The following ASPHD1 variants were observed in gnomAD, a reference collection of about 807,000 sequenced individuals.
ASPHD1 encodes the protein aspartate beta-hydroxylase domain containing 1.
In ASPHD1, 20 loss-of-function variants were observed where a neutral mutation model predicts 28.3. The observed-to-expected ratio is 0.71, with a 90% confidence interval of 0.50 to 1.03. The LOEUF (loss-of-function observed/expected upper bound fraction) is 1.03. Ranked by LOEUF, ASPHD1 falls within the 50% of genes least tolerant of loss-of-function variation. ASPHD1 has a pLI of 0.00. For synonymous variants in ASPHD1, 240 were observed against 221.2 expected (o/e 1.08, Z -0.75); for missense variants, 479 against 524.1 (o/e 0.91, Z 0.84).
Position 29,904,882 on chromosome 16 carries a change from T to C in ASPHD1, c.980T>C (p.Val327Ala). ...GLKIPPGCELVVGGEPQCWAE... is the reference protein window; with the variant it reads ...GLKIPPGCELAVGGEPQCWAE... ...AAGATCCCTCCTGGCTGTGAGCTGG[T>C]GGTCGGCGGTGAGCCCCAGTGCTGG... The change falls in exon 2 of 3, where the codon GTG becomes GCG. Residue 327 changes from valine to alanine, a missense_variant. Physicochemically the swap from Val to Ala is moderately conservative, Grantham distance 64. Coordinates refer to ENST00000308748, the MANE Select transcript of ASPHD1 (RefSeq NM_181718.4). The C allele has an allele frequency of 6.2e-7, 1 of 1,612,978 alleles. No individual in the cohort carries two copies. Among genetic ancestry groups the C allele is most frequent in the Non-Finnish European group, 8.5e-7 (1 of 1,179,680 alleles).
chr16:29,913,830 A>C (rs994765841), intron 3 of ASPHD1: 1 of 152,116 alleles, frequency 6.6e-6, no homozygotes, highest in African/African-American at 2.4e-5. Context: ...TGGAAGCCTC[A>C]TTGTCTTTTT....
chr16:29,905,085 G>T, intron 2 of ASPHD1, 120 bp downstream of exon 2: 1 of 692,116 alleles, frequency 1.4e-6, no homozygotes, highest in Non-Finnish European at 2.5e-6. Context: ...TCTTCCAGCT[G>T]CATGACCTTG....
At chr16:29,914,302 C>T (rs1297583127) in intron 3 of ASPHD1, 1 of 152,150 alleles carries the variant, frequency 6.6e-6, no homozygotes, top group African/African-American at 2.4e-5. Flanking sequence ...AATATACTCA[C>T]CACCTTCCAG....
intron 3 of ASPHD1, chr16:29,911,254 TC>T: frequency 9.4e-7 from 1 of 1,069,180 alleles, no homozygotes; most frequent in Non-Finnish European, 1.4e-6. Context: ...CTGGATGCAT[TC>T]CCAGTCCTCT....
chr16:29,901,730 G>A lies in ASPHD1; in HGVS notation c.759G>A (p.Leu253=). 6.4e-7 allele frequency: 1 copy of A among 1,561,602 alleles called. No homozygotes were observed. The highest frequency in any genetic ancestry group is 1.2e-5 in the South Asian group (1 of 83,274). ...PPLAPGCYQL[L]LYQAGRCQPS... is the part of the protein sequence containing the mutation. ...TGGCCCCCGGGTGCTACCAGCTCCT[G>A]CTGTACCAAGCAGGCCGGTGCCAAC... Residue 253 remains leucine (L), a synonymous_variant, in exon 1 of 3, where the codon CTG becomes CTA. Transcript: ENST00000308748. The surrounding 1 kb of genome is among the most constrained non-coding windows in gnomAD (Gnocchi z 5.1).
intron 3 of ASPHD1, among the ~76,000 whole-genome samples, chr16:29,912,531 C>T (rs1490780588): frequency 6.6e-6 from 1 of 152,252 alleles, no homozygotes; most frequent in Non-Finnish European, 1.5e-5. Context: ...ACCTCCACCT[C>T]CCGGGTTAAA....
rs1323161728 is a variant in ASPHD1 at position 29,912,317 on chromosome 16, T to C, written c.*62+6358T>C. Reference sequence around the variant, plus strand: ...TGCCCGGGATGCTTCTTTGCTCAGCTGTCAGCGTGGCGTGTCCGTCATGCC... The same window carrying C: ...TGCCCGGGATGCTTCTTTGCTCAGCCGTCAGCGTGGCGTGTCCGTCATGCC... On this transcript the variant is annotated intron_variant and NMD_transcript_variant, in intron 3 of 3. Coordinates refer to the ASPHD1 transcript ENST00000414952. The C allele has an allele frequency of 4.8e-5, 26 of 541,304 alleles. No homozygotes were observed. The East Asian group carries it at 8.7e-4, about 18-fold the overall frequency. The allele number at this position is 541,304 out of a possible 1,614,324, so 33.5% of individuals were successfully genotyped here.
At chr16:29,906,927 C>T (rs753123512), downstream of ASPHD1, 3 of 1,613,958 alleles carry the variant, frequency 1.9e-6, no homozygotes, top group South Asian at 1.1e-5. Flanking sequence ...GGTGATATGG[C>T]GCCGGACATG....
chr16:29,911,995 G>C lies in ASPHD1; in HGVS notation c.*62+6036G>C, dbSNP rs146795285. ...CTGGCCAGGAGCTGCTGCTCCTCCC[G>C]GGGAGATGTCACCATGGGGATGAGG... On this transcript the variant is annotated intron_variant and NMD_transcript_variant, in intron 3 of 3. Transcript: ENST00000414952. The C allele has an allele frequency of 1.7e-5, 27 of 1,611,292 alleles. No homozygotes were observed. The highest frequency in any genetic ancestry group is 2.2e-5 in the Non-Finnish European group (26 of 1,179,048).
intron 3 of ASPHD1, chr16:29,911,885 A>G (rs1373232328): frequency 6.2e-7 from 1 of 1,611,866 alleles, no homozygotes; most frequent in African/African-American, 1.3e-5. Flanking sequence ...GGGAGAGAGG[A>G]TGGACGAGAG....
downstream of ASPHD1, chr16:29,906,549 T>C: frequency 2.0e-6 from 1 of 499,536 alleles, no homozygotes. Flanking sequence ...GGCCGCACAC[T>C]TTGGCATGGA....
upstream of ASPHD1, chr16:29,900,438 G>C (rs970625563): frequency 1.3e-5 from 2 of 156,246 alleles, no homozygotes; most frequent in Admixed American, 1.2e-4. Context: ...CTTTCCGGGC[G>C]GGGGGGGTGG....
chr16:29,901,971 C>A lies in ASPHD1; in HGVS notation c.949+51C>A. 1 of 1,362,848 alleles carries A rather than the reference C, an allele frequency of 7.3e-7. No individual in the cohort carries two copies. The highest frequency in any genetic ancestry group is 9.6e-7 in the Non-Finnish European group (1 of 1,041,888). 84.4% of individuals were successfully genotyped at this position (1,362,848 alleles called of 1,614,324 possible). On this transcript the variant is annotated intron_variant, in intron 1 of 2. Transcript: ENST00000308748. The surrounding 1 kb of genome is among the most constrained non-coding windows in gnomAD (Gnocchi z 5.1). ...CCTCCTTGCCTCGATGATTTCCCCC[C>A]CAGACCCTTCTCTCCGCCAGAGCCG... is the stretch of plus-strand genomic sequence containing the variant.
Position 29,901,234 on chromosome 16 carries a change from C to A in ASPHD1, c.263C>A (p.Thr88Asn). 6.2e-7 allele frequency: 1 copy of A among 1,613,808 alleles called. No homozygotes were observed. Among genetic ancestry groups the A allele is most frequent in the Non-Finnish European group, 8.5e-7 (1 of 1,179,968 alleles). The stretch of plus-strand genomic sequence containing the variant: ...CTCACCTTGCTCTTCGGGGCCCTCA[C>A]TTCCCTGTTCCTCTGGTACTGCTAC... ...SALTLLFGALTSLFLWYCYRL... is the reference protein window; with the variant it reads ...SALTLLFGALNSLFLWYCYRL... Residue 88 changes from threonine to asparagine, a missense_variant, in exon 1 of 3, where the codon ACT becomes AAT. By Grantham distance (65) the Thr-to-Asn change is moderately conservative. Transcript: ENST00000308748. The surrounding 1 kb of genome is among the most constrained non-coding windows in gnomAD (Gnocchi z 5.1).
chr16:29,910,179 C>T (rs2068681635), downstream of ASPHD1, among the ~76,000 whole-genome samples: 1 of 151,098 alleles, frequency 6.6e-6, no homozygotes, highest in Admixed American at 6.6e-5. Context: ...GTGGGTGGAT[C>T]ACGAGGTCAA....
intron 1 of ASPHD1, among the ~76,000 whole-genome samples, chr16:29,903,904 A>G (rs2068576392): frequency 6.6e-6 from 1 of 152,214 alleles, no homozygotes; most frequent in South Asian, 2.1e-4. Context: ...CTTTAATCTT[A>G]TACCTCTCAG....
At chr16:29,912,323 C>G in intron 3 of ASPHD1, 1 of 530,880 alleles carries the variant, frequency 1.9e-6, no homozygotes, top group Non-Finnish European at 3.3e-6. Context: ...CAGCTGTCAG[C>G]GTGGCGTGTC....
chr16:29,901,567 C>A lies in ASPHD1; in HGVS notation c.596C>A (p.Pro199His), dbSNP rs769814443. Residue 199 changes from proline to histidine, a missense_variant, in exon 1 of 3, where the codon CCC becomes CAC. Pro to His is a moderately conservative substitution (Grantham distance 77). Coordinates refer to ENST00000308748, the MANE Select transcript of ASPHD1 (RefSeq NM_181718.4). This position sits in a 1 kb window ranked among gnomAD's most constrained non-coding sequence, Gnocchi z 5.1. ...LLFLPDLPSA[P>H]FVPRDAQRHD... ...TTCCTACCAGACCTGCCTTCAGCCC[C>A]CTTTGTGCCGCGGGACGCCCAGCGG... The A allele has an allele frequency of 1.3e-6, 2 of 1,548,020 alleles. No individual in the cohort carries two copies. The highest frequency in any genetic ancestry group is 2.8e-5 in the African/African-American group (2 of 72,658).
chr16:29,909,688 C>CT (rs760949977), downstream of ASPHD1, among the ~76,000 whole-genome samples: 241 of 142,890 alleles, frequency 1.7e-3, no homozygotes, highest in East Asian at 5.3e-3. Context: ...CTGAGTTTCC[C>CT]TTTTTTTTTT....
Sources: gnomAD v4.1 joint callset for allele counts (sites outside exome capture counted in the v4.1 genomes callset) on GRCh38, gnomAD v4.1.1 for gene constraint, Gnocchi (gnomAD v3.1) non-coding constraint, MANE v1.5 for transcripts, NCBI Gene and HGNC (gene_info 2026-07-23, HGNC 2026-07-21) for gene names.